HMGCLL1: variants seen among roughly 807,000 people sequenced by gnomAD.
HMGCLL1 encodes 3-hydroxy-3-methylglutaryl-CoA lyase like 1, also known as 3-hydroxymethyl-3-methylglutaryl-CoA lyase, cytoplasmic.
HMGCLL1 carries 36 observed loss-of-function variants against 39.1 expected under a neutral mutation model. The ratio of observed to expected loss-of-function variants is 0.92; its 90% CI spans 0.71 to 1.22. The LOEUF is 1.22. HMGCLL1 is among the 50% of genes most tolerant of loss of function. The pLI, the probability that HMGCLL1 is intolerant of heterozygous loss-of-function variation, is 0.00. For missense variants in HMGCLL1, 451 were observed against 416.5 expected (o/e 1.08, Z -0.72); for synonymous variants, 149 against 144.0 (o/e 1.03, Z -0.25).
At chr6:55,503,128 C>T (rs774202766) in intron 5 of HMGCLL1, among the ~76,000 whole-genome samples, 2 of 151,688 alleles carry the variant, frequency 1.3e-5, no homozygotes, top group Non-Finnish European at 2.9e-5. Flanking sequence ...ACAATCCTAT[C>T]GAAAGAATCT....
intron 7 of HMGCLL1, among the ~76,000 whole-genome samples, chr6:55,460,332 G>C (rs543197381): frequency 4.3e-4 from 65 of 151,966 alleles, no homozygotes; most frequent in African/African-American, 1.6e-3. Context: ...TTATCTTCAA[G>C]TTGGTGTTTA....
chr6:55,645,533 G>A, the HMGCLL1 span, among the ~76,000 whole-genome samples: 1 of 151,924 alleles, frequency 6.6e-6, no homozygotes, highest in African/African-American at 2.4e-5. Flanking sequence ...CTAGCTGTGG[G>A]TCTGTCAAAT....
At chr6:55,620,864 A>G in the HMGCLL1 span, among the ~76,000 whole-genome samples, 2 of 152,150 alleles carry the variant, frequency 1.3e-5, no homozygotes, top group Non-Finnish European at 2.9e-5. Context: ...TCCCAGCACC[A>G]TTTATTGATG....
the HMGCLL1 span, among the ~76,000 whole-genome samples, chr6:55,602,584 G>A: frequency 4.6e-5 from 7 of 151,886 alleles, no homozygotes; most frequent in East Asian, 3.9e-4. Flanking sequence ...TAGAATCTGT[G>A]AGAATTCTAT....
chr6:55,447,589 GA>G (rs1296178690), intron 7 of HMGCLL1, among the ~76,000 whole-genome samples: 3 of 149,220 alleles, frequency 2.0e-5, no homozygotes, highest in South Asian at 2.1e-4. Context: ...AGGAAGTAAG[GA>G]AAAAAAAAGC....
intron 1 of HMGCLL1, among the ~76,000 whole-genome samples, chr6:55,559,835 C>A (rs1770852868): frequency 1.3e-5 from 2 of 152,126 alleles, no homozygotes; most frequent in Admixed American, 6.6e-5. Context: ...GCTGCCTTAC[C>A]TTTCTCTGTA....
chr6:55,620,902 T>TA, the HMGCLL1 span, among the ~76,000 whole-genome samples: 4 of 152,182 alleles, frequency 2.6e-5, no homozygotes, highest in Non-Finnish European at 1.5e-5. Context: ...ATGTTTGTTC[T>TA]TGATACCTTT....
the HMGCLL1 span, among the ~76,000 whole-genome samples, chr6:55,630,838 G>A: frequency 6.6e-6 from 1 of 152,008 alleles, no homozygotes; most frequent in African/African-American, 2.4e-5. Context: ...GGCCTCCCCA[G>A]CCATGTAGAA....
At chr6:55,582,576 A>C (rs1157933190), upstream of HMGCLL1, among the ~76,000 whole-genome samples, 2 of 152,128 alleles carry the variant, frequency 1.3e-5, no homozygotes, top group African/African-American at 4.8e-5. Context: ...TTCTAAACTT[A>C]TCCATAACTT....
chr6:55,627,879 C>A, the HMGCLL1 span, among the ~76,000 whole-genome samples: 1 of 28,230 alleles, frequency 3.5e-5, no homozygotes, highest in Non-Finnish European at 6.6e-5. Flanking sequence ...TAATAAACTC[C>A]CTTATATATA....
the HMGCLL1 span, among the ~76,000 whole-genome samples, chr6:55,621,759 C>A: frequency 6.6e-6 from 1 of 152,014 alleles, no homozygotes; most frequent in Admixed American, 6.6e-5. Flanking sequence ...ATCCCAAAAC[C>A]ATTCCCCTCA....
chr6:55,619,191 T>G, the HMGCLL1 span, among the ~76,000 whole-genome samples: 2 of 152,114 alleles, frequency 1.3e-5, no homozygotes, highest in East Asian at 3.9e-4. Flanking sequence ...TTGGAACATG[T>G]GCAGGGGCAT....
intron 1 of HMGCLL1, among the ~76,000 whole-genome samples, chr6:55,572,720 T>A (rs963761789): frequency 2.0e-5 from 3 of 152,170 alleles, no homozygotes; most frequent in African/African-American, 7.2e-5. Context: ...TTAAACTAAA[T>A]TGCACAATTG....
intron 1 of HMGCLL1, 58 bp downstream of exon 1, chr6:55,578,890 G>A (rs1222069888): frequency 3.1e-6 from 4 of 1,277,170 alleles, no homozygotes; most frequent in African/African-American, 1.5e-5. Flanking sequence ...TGCAGGGAGA[G>A]AGGCTGGCTG....
intron 3 of HMGCLL1, among the ~76,000 whole-genome samples, chr6:55,521,370 C>T (rs10948938): frequency 0.57 from 87,194 of 151,820 alleles, 25,372 homozygotes; most frequent in Admixed American, 0.64. Flanking sequence ...TACAGCAGAC[C>T]TAGCTTTATT....
the HMGCLL1 span, among the ~76,000 whole-genome samples, chr6:55,659,402 C>A: frequency 1.3e-5 from 2 of 151,916 alleles, no homozygotes; most frequent in Non-Finnish European, 2.9e-5. Flanking sequence ...TCCCACTTCT[C>A]GCTCTTTGTC....
chr6:55,658,391 C>G, the HMGCLL1 span, among the ~76,000 whole-genome samples: 1 of 151,892 alleles, frequency 6.6e-6, no homozygotes, highest in Non-Finnish European at 1.5e-5. Flanking sequence ...AATAATGTGT[C>G]CAAACCTGAA....
intron 3 of HMGCLL1, among the ~76,000 whole-genome samples, chr6:55,526,637 T>C (rs1485800610): frequency 6.6e-6 from 1 of 152,082 alleles, no homozygotes; most frequent in Non-Finnish European, 1.5e-5. Context: ...CTAATTCTTC[T>C]ACTATTTTAT....
intron 7 of HMGCLL1, among the ~76,000 whole-genome samples, chr6:55,481,412 T>C (rs912830123): frequency 6.6e-6 from 1 of 152,026 alleles, no homozygotes; most frequent in Non-Finnish European, 1.5e-5. Context: ...ACTGGAACGT[T>C]TGCAATACAA....
Sources: allele counts gnomAD v4.1 joint callset (sites outside exome capture counted in the v4.1 genomes callset), GRCh38; gene constraint gnomAD v4.1.1; transcripts MANE v1.5; gene names NCBI Gene and HGNC (gene_info 2026-07-23, HGNC 2026-07-21).